The following INHBC variants were observed in gnomAD, a reference collection of about 807,000 sequenced individuals.
INHBC encodes inhibin beta C chain.
A neutral mutation model predicts 12.4 loss-of-function variants in INHBC; 10 were observed. The ratio of observed to expected loss-of-function variants is 0.81; its 90% CI spans 0.50 to 1.37. INHBC has a LOEUF of 1.37. Among genes scored for constraint, INHBC ranks in the 40% most tolerant of loss-of-function variants. INHBC has a pLI of 0.00. For missense variants in INHBC, 382 were observed against 439.4 expected (o/e 0.87, Z 1.17); for synonymous variants, 147 against 171.6 (o/e 0.86, Z 1.12).
intron 1 of INHBC, among the ~76,000 whole-genome samples, chr12:57,436,492 TGA>T (rs1870344540): frequency 1.7e-5 from 2 of 115,718 alleles, no homozygotes; most frequent in African/African-American, 2.9e-5. Flanking sequence ...TTTTTTTTTT[TGA>T]GACAGAGTCT....
chr12:57,441,354 CAA>C (rs1171735520), intron 1 of INHBC, among the ~76,000 whole-genome samples: 6,922 of 33,524 alleles, frequency 0.21, 169 homozygotes, highest in Admixed American at 0.26. Context: ...AATTCCATCT[CAA>C]AAAAAAAAAA....
chr12:57,443,766 A>G (rs1414130958), intron 1 of INHBC, among the ~76,000 whole-genome samples: 1 of 151,990 alleles, frequency 6.6e-6, no homozygotes, highest in Non-Finnish European at 1.5e-5. Flanking sequence ...GAAATGAAAG[A>G]CCATTCAACA....
chr12:57,441,869 CAG>C (rs1045227986), intron 1 of INHBC, among the ~76,000 whole-genome samples: 1 of 151,914 alleles, frequency 6.6e-6, no homozygotes, highest in African/African-American at 2.4e-5. Context: ...TTAGTAGAGA[CAG>C]GGTTTCACCA....
At chr12:57,443,875 G>A (rs998480805) in intron 1 of INHBC, among the ~76,000 whole-genome samples, 1 of 152,044 alleles carries the variant, frequency 6.6e-6, no homozygotes, top group African/African-American at 2.4e-5. Flanking sequence ...TGCAACCTTT[G>A]CCTCCTGAGT....
intron 1 of INHBC, among the ~76,000 whole-genome samples, chr12:57,437,792 G>GTTTT (rs1870378598): frequency 6.6e-6 from 1 of 151,492 alleles, no homozygotes; most frequent in African/African-American, 2.4e-5. Context: ...TTGTTTGTTT[G>GTTTT]TTTGTTTGTT....
In INHBC at chr12:57,449,926, C is replaced by G; in HGVS notation, c.963C>G (p.Ala321=). Residue 321 remains alanine (A), a synonymous_variant, in exon 2 of 2, where the codon GCC becomes GCG. Coordinates refer to ENST00000309668, the MANE Select transcript of INHBC (RefSeq NM_005538.4). ...GGGGCTCATGCTGTGTACCCACGGC[C>G]CGGCGCCCCCTGTCTCTGCTCTATT... ...TGGGSCCVPT[A]RRPLSLLYYD... 1 of 1,593,468 alleles carries G rather than the reference C, an allele frequency of 6.3e-7. No individual in the cohort carries two copies. The highest frequency in any genetic ancestry group is 8.6e-7 in the Non-Finnish European group (1 of 1,169,058).
intron 1 of INHBC, among the ~76,000 whole-genome samples, chr12:57,437,325 G>A (rs1870364558): frequency 6.6e-6 from 1 of 152,146 alleles, no homozygotes; most frequent in South Asian, 2.1e-4. Flanking sequence ...CAGGGGAATA[G>A]TTGGAGTATA....
chr12:57,442,315 A>G (rs2943692), intron 1 of INHBC, among the ~76,000 whole-genome samples: 35,497 of 152,194 alleles, frequency 0.23, 4,516 homozygotes, highest in South Asian at 0.43. Flanking sequence ...GCACAAAGTC[A>G]TGAATACTGG....
At position 57,450,899 on chromosome 12, in the gene INHBC, CT is replaced by C. The variant is rs1870699203; in HGVS notation, c.*878del. ...GTCCCTGGGGCCTCAACATCTCATA[CT>C]GGTTCCCTTAACTCTGCCTATACCT... On this transcript the variant is annotated 3_prime_UTR_variant, in exon 2 of 2. Transcript: ENST00000309668. 6.6e-6 allele frequency: 1 copy of C among 152,262 alleles called. No homozygotes were observed. Among genetic ancestry groups the C allele is most frequent in the African/African-American group, 2.4e-5 (1 of 41,440 alleles). 9.4% of individuals were successfully genotyped at this position (152,262 alleles called of 1,614,324 possible).
In INHBC at chr12:57,451,572, G is replaced by A. The variant is rs747400258; in HGVS notation, c.*1550G>A. Among the ~76,000 whole-genome samples the A allele has an allele frequency of 7.9e-5, 12 of 152,160 alleles. No homozygotes were observed. Among genetic ancestry groups the A allele is most frequent in the Non-Finnish European group, 1.6e-4 (11 of 68,034 alleles). On this transcript the variant is annotated 3_prime_UTR_variant, in exon 2 of 2. Transcript: ENST00000309668. ...TCGATAATGTCTGCAGCCCAAGGCC[G>A]AGTTTGCGCAAAACCCATGTGTTCT... is the stretch of plus-strand genomic sequence containing the variant.
intron 1 of INHBC, among the ~76,000 whole-genome samples, chr12:57,441,956 C>T (rs1870475203): frequency 6.6e-6 from 1 of 152,156 alleles, no homozygotes; most frequent in African/African-American, 2.4e-5. Flanking sequence ...GCTGGGATTA[C>T]AAGCATGAGC....
chr12:57,437,032 A>G (rs1484179850), intron 1 of INHBC, among the ~76,000 whole-genome samples: 24 of 152,102 alleles, frequency 1.6e-4, no homozygotes, highest in Admixed American at 1.5e-3. Flanking sequence ...TTTGGGCTCA[A>G]GCAATCCACT....
Position 57,449,933 on chromosome 12 carries a change from C to A in INHBC, c.970C>A (p.Pro324Thr), listed in dbSNP as rs770846481. 28 of 1,586,476 alleles carry A rather than the reference C, an allele frequency of 1.8e-5. No homozygotes were observed. In the Admixed American group the frequency reaches 5.0e-4, roughly 28 times the overall value. ...ATGCTGTGTACCCACGGCCCGGCGC[C>A]CCCTGTCTCTGCTCTATTATGACAG... is the stretch of plus-strand genomic sequence containing the variant. ...GSCCVPTARR[P>T]LSLLYYDRDS... is the part of the protein sequence containing the mutation. Residue 324 changes from proline to threonine, a missense_variant, in exon 2 of 2, where the codon CCC (proline) becomes ACC (threonine). Transcript: ENST00000309668.
At chr12:57,437,131 G>A (rs755872503) in intron 1 of INHBC, among the ~76,000 whole-genome samples, 5 of 152,106 alleles carry the variant, frequency 3.3e-5, no homozygotes, top group Non-Finnish European at 7.4e-5. Flanking sequence ...TGCACCTGCA[G>A]TCCCAGCTAT....
intron 1 of INHBC, among the ~76,000 whole-genome samples, chr12:57,447,188 T>G (rs999603789): frequency 1.3e-5 from 2 of 152,122 alleles, no homozygotes; most frequent in Non-Finnish European, 2.9e-5. Flanking sequence ...TAGTTTGTTT[T>G]TTTTTTCTTT....
At position 57,448,505 on chromosome 12, in the gene INHBC, G is replaced by T. The variant is rs76392986; in HGVS notation, c.314-772G>T. On this transcript the variant is annotated intron_variant, in intron 1 of 1. Coordinates refer to ENST00000309668, the MANE Select transcript of INHBC (RefSeq NM_005538.4). ...AATCACTTGAACCCAGGAGGCAGAGGTTGCAGTGAGCCAACCTCACGCCAC... is the reference window on the plus strand; with the variant it reads ...AATCACTTGAACCCAGGAGGCAGAGTTTGCAGTGAGCCAACCTCACGCCAC... Among the ~76,000 whole-genome samples the T allele has an allele frequency of 8.2e-3, 1,234 of 151,346 alleles. 14 individuals carry two copies. The highest frequency in any genetic ancestry group is 0.057 in the East Asian group (291 of 5,142).
At chr12:57,444,023 A>G (rs1403088715) in intron 1 of INHBC, among the ~76,000 whole-genome samples, 1 of 151,314 alleles carries the variant, frequency 6.6e-6, no homozygotes, top group African/African-American at 2.4e-5. Context: ...TCATGACCTC[A>G]TGACCTCAGG....
In INHBC at chr12:57,445,717, C is replaced by G. The variant is rs558106269; in HGVS notation, c.314-3560C>G. Among the ~76,000 whole-genome samples the G allele has an allele frequency of 1.7e-3, 250 of 145,372 alleles. 8 individuals carry two copies. Among genetic ancestry groups the G allele is most frequent in the Middle Eastern group, 6.8e-3 (2 of 292 alleles). ...CAGTCTGGGTAACATAGTGAGACCC[C>G]CCGCCCATCTCCATGTAAATTTTTT... On this transcript the variant is annotated intron_variant, in intron 1 of 1. Coordinates refer to ENST00000309668, the MANE Select transcript of INHBC (RefSeq NM_005538.4).
At chr12:57,443,578 C>T (rs1423101692) in intron 1 of INHBC, among the ~76,000 whole-genome samples, 3 of 151,906 alleles carry the variant, frequency 2.0e-5, no homozygotes, top group South Asian at 2.1e-4. Context: ...GCCACTGCGC[C>T]GGGCCTCATA....
Sources: gnomAD v4.1 joint callset for allele counts (sites outside exome capture counted in the v4.1 genomes callset) on GRCh38, gnomAD v4.1.1 for gene constraint, MANE v1.5 for transcripts, NCBI Gene and HGNC (gene_info 2026-07-23, HGNC 2026-07-21) for gene names.